DSC1: variants seen among roughly 807,000 people sequenced by gnomAD.
DSC1 encodes the protein desmocollin-1.
A neutral mutation model predicts 98.8 loss-of-function variants in DSC1; 79 were observed. The observed-to-expected ratio is 0.80, with a 90% CI of 0.67 to 0.96. The LOEUF (loss-of-function observed/expected upper bound fraction) is 0.96. DSC1 is among the 50% of genes least tolerant of loss of function. The pLI is 0.00. For synonymous variants in DSC1, 405 were observed against 372.1 expected (o/e 1.09, Z -1.02); for missense variants, 1,115 against 1,075.9 (o/e 1.04, Z -0.51).
At chr18:31,132,807 G>C in intron 13 of DSC1, 118 bp from the exon 14 acceptor site, 1 of 895,556 alleles carries the variant, frequency 1.1e-6, no homozygotes, top group Non-Finnish European at 1.6e-6. Context: ...AGCTCTTCAG[G>C]TCACAAGATT....
chr18:31,162,782 T>C lies in DSC1; in HGVS notation c.-188A>G. 2 of 576,096 alleles carry C rather than the reference T, an allele frequency of 3.5e-6. No individual in the cohort carries two copies. Among genetic ancestry groups the C allele is most frequent in the South Asian group, 4.2e-5 (2 of 47,238 alleles). The allele number at this position is 576,096 out of a possible 1,614,324, so 35.7% of individuals were successfully genotyped here. A position where few individuals can be genotyped will look rare whatever the true frequency, so the allele number is the denominator to read the frequency against. On this transcript the variant is annotated 5_prime_UTR_variant, in exon 1 of 16. Transcript: ENST00000257198. Reference sequence around the variant, plus strand: ...TAGGAGGAGCAACGGGAGAATTTCTTTCCCCCTATTCCCTGGCCAGTCTCC... The same window carrying C: ...TAGGAGGAGCAACGGGAGAATTTCTCTCCCCCTATTCCCTGGCCAGTCTCC...
intron 11 of DSC1, among the ~76,000 whole-genome samples, chr18:31,139,133 A>T (rs1345117708): frequency 5.3e-5 from 8 of 152,166 alleles, no homozygotes; most frequent in African/African-American, 1.7e-4. Context: ...TACTGATAGA[A>T]ATTTGTATGT....
Position 31,159,492 on chromosome 18 carries a change from T to G in DSC1, c.101A>C (p.Tyr34Ser). The G allele has an allele frequency of 6.2e-7, 1 of 1,601,710 alleles. No homozygotes were observed. Among genetic ancestry groups the G allele is most frequent in the Non-Finnish European group, 8.5e-7 (1 of 1,176,404 alleles). The change falls in exon 2 of 16, where the codon TAT becomes TCT. Residue 34 changes from tyrosine (Y) to serine (S), a missense_variant. Physicochemically the swap from Tyr to Ser is moderately radical, Grantham distance 144. Transcript: ENST00000257198. Reference protein sequence around the residue: ...TLLCDACQKVYLRVPSHLQAE... With the variant: ...TLLCDACQKVSLRVPSHLQAE... ...CTGAAGATGAGAAGGAACTCGAAGA[T>G]AAACTTTCTGACAAGCATCGCAAAG... is the stretch of plus-strand genomic sequence containing the variant.
intron 5 of DSC1, among the ~76,000 whole-genome samples, chr18:31,151,973 C>A (rs76618169): frequency 0.015 from 2,254 of 152,066 alleles, 54 homozygotes; most frequent in African/African-American, 0.052. Context: ...ACCAGCCTGG[C>A]GAACATGGTG....
intron 9 of DSC1, among the ~76,000 whole-genome samples, chr18:31,141,725 C>T (rs1247008231): frequency 6.6e-6 from 1 of 152,048 alleles, no homozygotes; most frequent in Non-Finnish European, 1.5e-5. Flanking sequence ...GTCTAAGACC[C>T]CTTCTAAAGC....
intron 9 of DSC1, among the ~76,000 whole-genome samples, chr18:31,140,733 T>C (rs1186429209): frequency 6.6e-6 from 1 of 152,218 alleles, no homozygotes; most frequent in African/African-American, 2.4e-5. Context: ...ACTCAAAAGA[T>C]AGAATGATAT....
intron 11 of DSC1, among the ~76,000 whole-genome samples, chr18:31,138,279 A>AT (rs1988654586): frequency 6.6e-6 from 1 of 152,130 alleles, no homozygotes; most frequent in African/African-American, 2.4e-5. Context: ...TTTTTAAAAA[A>AT]TTAGGCCTCT....
chr18:31,134,168 G>T (rs1988557007), intron 12 of DSC1, 38 bp from the exon 13 acceptor site: 10 of 1,586,770 alleles, frequency 6.3e-6, no homozygotes, highest in African/African-American at 1.3e-5. Context: ...TGGATTGGCT[G>T]TTTAGATGGC....
rs141277927 is a variant in DSC1 at position 31,133,930 on chromosome 18, C to T, written c.2077G>A (p.Ala693Thr). 1.3e-5 allele frequency: 21 copies of T among 1,613,086 alleles called. No individual in the cohort carries two copies. The East Asian group carries it at 4.7e-4, about 36-fold the overall frequency. Residue 693 changes from alanine to threonine, a missense_variant, in exon 13 of 16, where the codon GCT (alanine) becomes ACT (threonine). Ala to Thr is a moderately conservative substitution (Grantham distance 58). Coordinates refer to ENST00000257198, the MANE Select transcript of DSC1 (RefSeq NM_024421.2). Reference protein sequence around the residue: ...VRPNVILGRWAILAMVLGSVL... With the variant: ...VRPNVILGRWTILAMVLGSVL... ...GAACCCAACACCATAGCAAGAATAG[C>T]CCATCTTCCAAGTATTACATTTGGT...
At chr18:31,136,704 C>A (rs2144920682) in intron 11 of DSC1, among the ~76,000 whole-genome samples, 1 of 152,246 alleles carries the variant, frequency 6.6e-6, no homozygotes, top group South Asian at 2.1e-4. Context: ...ATGTTGCAAA[C>A]AAATCTTATA....
At position 31,159,437 on chromosome 18, in the gene DSC1, T is replaced by C. The variant is rs747127918; in HGVS notation, c.148+8A>G. 16 of 1,611,640 alleles carry C rather than the reference T, an allele frequency of 9.9e-6. No homozygotes were observed. Among genetic ancestry groups the C allele is most frequent in the Non-Finnish European group, 4.2e-6 (5 of 1,178,820 alleles). ...TACAGCTATGAAACTGTTAATAGTG[T>C]TTCTCACCTTTGCCTACAAGTGTTT... On this transcript the variant is annotated splice_region_variant and intron_variant, in intron 2 of 15. Coordinates refer to ENST00000257198, the MANE Select transcript of DSC1 (RefSeq NM_024421.2).
At chr18:31,149,970 T>C (rs79681568) in intron 5 of DSC1, among the ~76,000 whole-genome samples, 33,612 of 151,284 alleles carry the variant, frequency 0.22, 4,237 homozygotes, top group East Asian at 0.56. Flanking sequence ...AATTCAGGAG[T>C]GGAATACAGT....
Position 31,129,308 on chromosome 18 carries a change from A to G in DSC1, c.*1206T>C, listed in dbSNP as rs906080229. 33 of 146,860 alleles carry G rather than the reference A, an allele frequency of 2.2e-4. No homozygotes were observed. The highest frequency in any genetic ancestry group is 7.4e-4 in the African/African-American group (29 of 39,236). The allele number at this position is 146,860 out of a possible 1,614,324, so 9.1% of individuals were successfully genotyped here. A position where few individuals can be genotyped will look rare whatever the true frequency, so the allele number is the denominator to read the frequency against. Reference sequence around the variant, plus strand: ...TGGAGTGCAGTGGCAATCTCGGCTCACTGCAACCTCCGCCTCCTGGATTCA... The same window carrying G: ...TGGAGTGCAGTGGCAATCTCGGCTCGCTGCAACCTCCGCCTCCTGGATTCA... On this transcript the variant is annotated 3_prime_UTR_variant, in exon 16 of 16. Coordinates refer to ENST00000257198, the MANE Select transcript of DSC1 (RefSeq NM_024421.2).
Position 31,148,493 on chromosome 18 carries a change from C to T in DSC1, c.772+5G>A. On this transcript the variant is annotated splice_donor_5th_base_variant and intron_variant, in intron 6 of 15. Transcript: ENST00000257198. ...TTGTCATGCTACAATAAAATGTGAA[C>T]TTACCGGATCGGCAATTTTCAGGCA... 6.3e-7 allele frequency: 1 copy of T among 1,591,462 alleles called. No individual in the cohort carries two copies. The highest frequency in any genetic ancestry group is 8.6e-7 in the Non-Finnish European group (1 of 1,163,966).
At chr18:31,155,161 G>T (rs546202581) in intron 4 of DSC1, among the ~76,000 whole-genome samples, 1 of 152,134 alleles carries the variant, frequency 6.6e-6, no homozygotes. Flanking sequence ...TTTGTCATTT[G>T]TATATCTATA....
At chr18:31,140,972 A>G (rs574908836) in intron 9 of DSC1, among the ~76,000 whole-genome samples, 1 of 152,262 alleles carries the variant, frequency 6.6e-6, no homozygotes, top group South Asian at 2.1e-4. Flanking sequence ...AGGAGCTGAT[A>G]GCTTTATCAG....
intron 6 of DSC1, among the ~76,000 whole-genome samples, chr18:31,147,232 G>A (rs1456159625): frequency 6.6e-6 from 1 of 151,806 alleles, no homozygotes; most frequent in Non-Finnish European, 1.5e-5. Context: ...ATATTTCCAT[G>A]CCATGATATA....
chr18:31,155,528 G>A (rs1412234527), intron 4 of DSC1, among the ~76,000 whole-genome samples: 1 of 152,160 alleles, frequency 6.6e-6, no homozygotes, highest in Non-Finnish European at 1.5e-5. Context: ...AACTCGGGAG[G>A]TTGAGGCAGG....
At position 31,159,006 on chromosome 18, in the gene DSC1, T is replaced by C. The variant is rs16961378; in HGVS notation, c.148+439A>G. On this transcript the variant is annotated intron_variant, in intron 2 of 15. Transcript: ENST00000257198. Reference sequence around the variant, plus strand: ...TACCAAAAAACAAGTAGCCTGTCTTTTATTGTACATCCGATTTTAACTTCA... The same window carrying C: ...TACCAAAAAACAAGTAGCCTGTCTTCTATTGTACATCCGATTTTAACTTCA... 6.2e-3 allele frequency among the ~76,000 whole-genome samples: 932 copies of C among 149,768 alleles called. 10 individuals carry two copies. Among genetic ancestry groups the C allele is most frequent in the African/African-American group, 0.022 (879 of 40,682 alleles).
Sources: gnomAD v4.1 joint callset for allele counts (sites outside exome capture counted in the v4.1 genomes callset) on GRCh38, gnomAD v4.1.1 for gene constraint, MANE v1.5 for transcripts, NCBI Gene and HGNC (gene_info 2026-07-23, HGNC 2026-07-21) for gene names.